The following XRN1 variants were observed in gnomAD, a reference collection of about 807,000 sequenced individuals.
XRN1 encodes the protein strand-exchange protein 1 homolog.
A neutral mutation model predicts 222.3 loss-of-function variants in XRN1; 67 were observed. That is an observed-to-expected ratio of 0.30 (90% CI 0.25 to 0.37). The LOEUF (loss-of-function observed/expected upper bound fraction) is 0.37. Among genes scored for constraint, XRN1 ranks in the 10% least tolerant of loss-of-function variants. The pLI is 1.00. For missense variants in XRN1, 1,707 were observed against 2,000.2 expected (o/e 0.85, Z 2.80); for synonymous variants, 643 against 652.4 (o/e 0.99, Z 0.22).
intron 23 of XRN1, 81 bp downstream of exon 23, chr3:142,380,001 T>A (rs2067254526): frequency 4.8e-6 from 5 of 1,050,064 alleles, no homozygotes; most frequent in Non-Finnish European, 6.9e-6. Context: ...CTGAAATAAA[T>A]TCAAAGGAGG....
intron 20 of XRN1, among the ~76,000 whole-genome samples, chr3:142,387,405 G>A (rs764385915): frequency 6.6e-6 from 1 of 152,080 alleles, no homozygotes; most frequent in East Asian, 1.9e-4. Flanking sequence ...ATTGTTTCTT[G>A]ACTTGTATTC....
chr3:142,423,612 G>A lies in XRN1; in HGVS notation c.658C>T (p.His220Tyr). ...ACTTCTTCTCTTAAGAGAGAAAAAT[G>A]TGCCTCATGACTTGTTAATCCAAGC... is the stretch of plus-strand genomic sequence containing the variant. Reference protein sequence around the residue: ...IMLGLTSHEAHFSLLREEVRF... With the variant: ...IMLGLTSHEAYFSLLREEVRF... The change falls in exon 6 of 41, where the codon CAT (histidine) becomes TAT (tyrosine). Residue 220 changes from histidine to tyrosine, a missense_variant. Coordinates refer to ENST00000392981, the MANE Select transcript of XRN1 (RefSeq NM_001282857.2). 6.3e-7 allele frequency: 1 copy of A among 1,599,418 alleles called. No individual in the cohort carries two copies. Among genetic ancestry groups the A allele is most frequent in the Non-Finnish European group, 8.5e-7 (1 of 1,174,454 alleles).
intron 15 of XRN1, among the ~76,000 whole-genome samples, chr3:142,408,693 T>A (rs2068447333): frequency 6.6e-6 from 1 of 152,200 alleles, no homozygotes. Flanking sequence ...TACTTTCCCC[T>A]CCTCTTGGTA....
chr3:142,349,475 TACTA>T (rs1365471847), intron 32 of XRN1, among the ~76,000 whole-genome samples: 2 of 152,192 alleles, frequency 1.3e-5, no homozygotes, highest in East Asian at 1.9e-4. Flanking sequence ...ATAGTAATGC[TACTA>T]ACTAAATAGT....
chr3:142,366,539 A>T (rs1053596124), intron 27 of XRN1, among the ~76,000 whole-genome samples: 1 of 152,198 alleles, frequency 6.6e-6, no homozygotes, highest in Non-Finnish European at 1.5e-5. Flanking sequence ...GTTGAGGGAG[A>T]TATACAAGAA....
At chr3:142,408,507 C>T (rs751247806) in intron 15 of XRN1, among the ~76,000 whole-genome samples, 19 of 152,136 alleles carry the variant, frequency 1.2e-4, no homozygotes, top group South Asian at 2.1e-4. Flanking sequence ...TTTCTATTTG[C>T]GGCATCAGAT....
chr3:142,376,494 C>T lies in XRN1; in HGVS notation c.2816G>A (p.Arg939Lys). The change falls in exon 24 of 41, where the codon AGA becomes AAA. Residue 939 changes from arginine (R) to lysine (K), a missense_variant. Coordinates refer to ENST00000392981, the MANE Select transcript of XRN1 (RefSeq NM_001282857.2). ...ATAAACTTACTTTCTCCTAGATCCTCTTCCAATAAAAATACTTCCTGTAAA... is the reference window on the plus strand; with the variant it reads ...ATAAACTTACTTTCTCCTAGATCCTTTTCCAATAAAAATACTTCCTGTAAA... The part of the protein sequence containing the change: ...SRFTGSIFIG[R>K]GSRRNPHGDH... The T allele has an allele frequency of 6.2e-7, 1 of 1,612,282 alleles. No individual in the cohort carries two copies. The highest frequency in any genetic ancestry group is 8.5e-7 in the Non-Finnish European group (1 of 1,178,886).
At chr3:142,325,143 G>A (rs1292847681) in intron 37 of XRN1, among the ~76,000 whole-genome samples, 1 of 152,132 alleles carries the variant, frequency 6.6e-6, no homozygotes, top group Admixed American at 6.6e-5. Flanking sequence ...TTTCCATGCT[G>A]TATGTCCTTC....
intron 25 of XRN1, among the ~76,000 whole-genome samples, chr3:142,371,581 A>G (rs2066993467): frequency 6.6e-6 from 1 of 152,134 alleles, no homozygotes. Flanking sequence ...TACTGACTCT[A>G]CTCTCTTTCA....
rs1292924496 is a variant in XRN1, at chr3:142,370,574, C to T, written c.3115G>A (p.Val1039Ile). Residue 1039 changes from valine (V) to isoleucine (I), a missense_variant, in exon 27 of 41, where the codon GTC (valine) becomes ATC (isoleucine). Val to Ile is a conservative substitution (Grantham distance 29). Coordinates refer to ENST00000392981, the MANE Select transcript of XRN1 (RefSeq NM_001282857.2). Reference sequence around the variant, plus strand: ...CAAGAAGAACGAGATAAAGTACTGACAGGATGTCCTTTTAGCCAAGTAATA... The same window carrying T: ...CAAGAAGAACGAGATAAAGTACTGATAGGATGTCCTTTTAGCCAAGTAATA... ...EIITWLKGHPVSTLSRSSCDL... is the reference protein window; with the variant it reads ...EIITWLKGHPISTLSRSSCDL... The T allele has an allele frequency of 1.2e-6, 2 of 1,602,200 alleles. No homozygotes were observed. The highest frequency in any genetic ancestry group is 2.7e-5 in the African/African-American group (2 of 74,312).
chr3:142,387,925 G>A (rs1455845663), intron 20 of XRN1, among the ~76,000 whole-genome samples: 1 of 151,964 alleles, frequency 6.6e-6, no homozygotes, highest in Non-Finnish European at 1.5e-5. Context: ...ATCTGTACAC[G>A]CCTGTTCCTC....
intron 20 of XRN1, among the ~76,000 whole-genome samples, chr3:142,392,342 T>C (rs1438922432): frequency 7.2e-6 from 1 of 138,256 alleles, no homozygotes; most frequent in Non-Finnish European, 1.6e-5. Flanking sequence ...TTTTTTTTTA[T>C]TATACTTTAA....
chr3:142,403,489 G>A (rs1231953262), intron 18 of XRN1, among the ~76,000 whole-genome samples, 185 bp downstream of exon 18: 1 of 151,974 alleles, frequency 6.6e-6, no homozygotes, highest in Admixed American at 6.6e-5. Context: ...TATATTCATT[G>A]TGTCACAGTG....
intron 25 of XRN1, 134 bp downstream of exon 25, chr3:142,375,664 T>A: frequency 1.2e-6 from 1 of 841,484 alleles, no homozygotes; most frequent in African/African-American, 1.8e-5. Flanking sequence ...GATGCAAAAT[T>A]AAGTTTACAT....
chr3:142,376,869 A>G (rs953090952), intron 23 of XRN1, among the ~76,000 whole-genome samples: 1 of 152,138 alleles, frequency 6.6e-6, no homozygotes, highest in African/African-American at 2.4e-5. Context: ...GTCTTAAGAA[A>G]TAAACTCTAC....
At chr3:142,325,898 C>T (rs1172899347) in intron 37 of XRN1, among the ~76,000 whole-genome samples, 1 of 152,036 alleles carries the variant, frequency 6.6e-6, no homozygotes, top group East Asian at 1.9e-4. Context: ...ATCTAGTTGT[C>T]CCAGGATCAT....
chr3:142,400,398 C>T (rs2068082564), intron 19 of XRN1, 46 bp downstream of exon 19: 1 of 1,465,546 alleles, frequency 6.8e-7, no homozygotes, highest in East Asian at 2.3e-5. Context: ...ATCAAAGTCA[C>T]AAAGCAAATA....
chr3:142,405,190 CA>C, intron 15 of XRN1, 114 bp from the exon 16 acceptor site: 1 of 963,674 alleles, frequency 1.0e-6, no homozygotes, highest in Non-Finnish European at 1.5e-6. Context: ...TCTTGAAAAA[CA>C]AAAAACCAAA....
In XRN1 at chr3:142,404,958, T is replaced by C; in HGVS notation, c.1832A>G (p.Tyr611Cys). 3 of 1,614,040 alleles carry C rather than the reference T, an allele frequency of 1.9e-6. No individual in the cohort carries two copies. Among genetic ancestry groups the C allele is most frequent in the East Asian group, 2.2e-5 (1 of 44,874 alleles). Reference sequence around the variant, plus strand: ...GAACTTTTCTGGCCATGGAGAAGGATAGATAAACTCTGTGTCTCTATCATA... The same window carrying C: ...GAACTTTTCTGGCCATGGAGAAGGACAGATAAACTCTGTGTCTCTATCATA... ...CWYDRDTEFIYPSPWPEKFPA... is the reference protein window; with the variant it reads ...CWYDRDTEFICPSPWPEKFPA... Residue 611 changes from tyrosine (Y) to cysteine (C), a missense_variant, in exon 16 of 41, where the codon TAT becomes TGT. Tyr to Cys is a radical substitution (Grantham distance 194, BLOSUM62 -2). Transcript: ENST00000392981.
Sources: gnomAD v4.1 joint callset for allele counts (sites outside exome capture counted in the v4.1 genomes callset) on GRCh38, gnomAD v4.1.1 for gene constraint, MANE v1.5 for transcripts, NCBI Gene and HGNC (gene_info 2026-07-23, HGNC 2026-07-21) for gene names.